The following ERBB4 variants were observed in gnomAD, a reference collection of about 807,000 sequenced individuals.
ERBB4 encodes receptor tyrosine-protein kinase erbB-4.
ERBB4 carries 42 observed loss-of-function variants against 158.0 expected under a neutral mutation model. The observed-to-expected ratio is 0.27, with a 90% CI of 0.21 to 0.34. The LOEUF (loss-of-function observed/expected upper bound fraction) is 0.34. ERBB4 is among the 10% of genes least tolerant of loss of function. ERBB4 has a pLI of 1.00. For missense variants in ERBB4, 1,333 were observed against 1,624.1 expected (o/e 0.82, Z 3.08); for synonymous variants, 583 against 558.7 (o/e 1.04, Z -0.61).
chr2:211,828,273 T>A (rs1039103595), intron 3 of ERBB4, among the ~76,000 whole-genome samples: 5 of 152,208 alleles, frequency 3.3e-5, no homozygotes, highest in African/African-American at 1.2e-4. Flanking sequence ...CACATTTTGC[T>A]ACTATGAATT....
intron 2 of ERBB4, among the ~76,000 whole-genome samples, chr2:212,049,910 T>C (rs2077355083): frequency 1.3e-5 from 2 of 152,188 alleles, no homozygotes; most frequent in African/African-American, 2.4e-5. Flanking sequence ...ACTTCACATA[T>C]CATTTTAATG....
chr2:212,110,421 T>C (rs2079368680), intron 2 of ERBB4, among the ~76,000 whole-genome samples: 1 of 152,226 alleles, frequency 6.6e-6, no homozygotes, highest in South Asian at 2.1e-4. Flanking sequence ...TTGTGCCCTC[T>C]GCTTCCTTAG....
chr2:212,206,589 C>CTTTTGTTTTTTTTTTTTTTTTT (rs2082754707), intron 1 of ERBB4, among the ~76,000 whole-genome samples: 1 of 116,450 alleles, frequency 8.6e-6, no homozygotes, highest in African/African-American at 3.6e-5. Context: ...CTGTTCTGTT[C>CTTTTGTTTTTTTTTTTTTTTTT]TTTTTTTTTT....
chr2:211,715,261 T>C (rs2073854886), intron 7 of ERBB4, among the ~76,000 whole-genome samples: 1 of 152,180 alleles, frequency 6.6e-6, no homozygotes, highest in Admixed American at 6.5e-5. Flanking sequence ...GTACAAAGTA[T>C]GGAAAAATTT....
Position 212,538,617 on chromosome 2 carries a change from C to T in ERBB4, c.-87G>A. On this transcript the variant is annotated 5_prime_UTR_variant, in exon 1 of 28. Transcript: ENST00000342788. ...GGGCACGCGGAGGAGATCCCCCAGC[C>T]GGGCGCGCGTGGGGGTGCGAGGGGG... 7.1e-7 allele frequency: 1 copy of T among 1,412,588 alleles called. No individual in the cohort carries two copies. The highest frequency in any genetic ancestry group is 1.2e-5 in the South Asian group (1 of 86,726). The allele number at this position is 1,412,588 out of a possible 1,614,324, so 87.5% of individuals were successfully genotyped here.
intron 14 of ERBB4, among the ~76,000 whole-genome samples, chr2:211,667,025 G>A (rs1464392017): frequency 1.3e-5 from 2 of 151,876 alleles, no homozygotes; most frequent in Non-Finnish European, 2.9e-5. Flanking sequence ...GGCTTCCCTG[G>A]GTCACATTGG....
At position 212,373,828 on chromosome 2, in the gene ERBB4, T is replaced by TATATATATCCATGTATATATCC. The variant is rs1411425588; in HGVS notation, c.82+164620_82+164621insGGATATATACATGGATATATAT. 1.6e-4 allele frequency among the ~76,000 whole-genome samples: 22 copies of TATATATATCCATGTATATATCC among 133,542 alleles called. 2 individuals carry two copies. The highest frequency in any genetic ancestry group is 5.7e-4 in the African/African-American group (21 of 36,874). The allele number at this position is 133,542 out of a possible 152,430, so 87.6% of individuals were successfully genotyped here. On this transcript the variant is annotated intron_variant, in intron 1 of 27. Transcript: ENST00000342788. ...ATATATATCCATGTATATATCCATA[T>TATATATATCCATGTATATATCC]ATATATATATCCATGTATATATCCA...
intron 4 of ERBB4, among the ~76,000 whole-genome samples, chr2:211,753,585 G>A (rs1244411780): frequency 6.6e-6 from 1 of 151,884 alleles, no homozygotes; most frequent in Admixed American, 6.6e-5. Flanking sequence ...GAAAGCAGGT[G>A]GAGCTAGATA....
intron 1 of ERBB4, among the ~76,000 whole-genome samples, chr2:212,340,283 G>C (rs555566505): frequency 8.6e-5 from 13 of 151,912 alleles, no homozygotes; most frequent in African/African-American, 3.1e-4. Context: ...CCAACCTTTC[G>C]GGCATCAGGA....
intron 19 of ERBB4, among the ~76,000 whole-genome samples, chr2:211,571,417 AT>A (rs1416728122): frequency 6.6e-6 from 1 of 151,930 alleles, no homozygotes; most frequent in Non-Finnish European, 1.5e-5. Flanking sequence ...ACAGCAGGGC[AT>A]TTTTTTTCTC....
chr2:212,016,589 A>T (rs1051215850), intron 2 of ERBB4, among the ~76,000 whole-genome samples: 2 of 152,108 alleles, frequency 1.3e-5, no homozygotes, highest in Non-Finnish European at 2.9e-5. Flanking sequence ...TTTTAAGTAC[A>T]ATTGGTTTTT....
chr2:212,441,926 C>T (rs977965804), intron 1 of ERBB4, among the ~76,000 whole-genome samples: 11 of 152,150 alleles, frequency 7.2e-5, no homozygotes, highest in Non-Finnish European at 1.5e-4. Flanking sequence ...TGAAACACAT[C>T]GGTGAGGGCA....
At chr2:211,854,440 A>G (rs1044577937) in intron 3 of ERBB4, among the ~76,000 whole-genome samples, 19 of 152,142 alleles carry the variant, frequency 1.2e-4, no homozygotes, top group Non-Finnish European at 2.4e-4. Flanking sequence ...TTCAAGATAT[A>G]AAACACAGTC....
At chr2:212,163,333 T>A (rs1186877551) in intron 1 of ERBB4, among the ~76,000 whole-genome samples, 2 of 151,948 alleles carry the variant, frequency 1.3e-5, no homozygotes, top group African/African-American at 4.8e-5. Context: ...AAAACATAAA[T>A]GATATAAAGG....
intron 9 of ERBB4, among the ~76,000 whole-genome samples, chr2:211,710,349 T>G (rs983218656): frequency 6.6e-6 from 1 of 152,172 alleles, no homozygotes; most frequent in Non-Finnish European, 1.5e-5. Flanking sequence ...TAGCATAATA[T>G]AATCTTACAT....
chr2:211,514,255 G>T (rs562597370), intron 20 of ERBB4, among the ~76,000 whole-genome samples: 1 of 152,162 alleles, frequency 6.6e-6, no homozygotes, highest in African/African-American at 2.4e-5. Context: ...TTTCGATGTT[G>T]CTTCTAAATA....
rs182950829 is a variant in ERBB4 at position 211,924,323 on chromosome 2, T to C, written c.421+23107A>G. 2.0e-3 allele frequency among the ~76,000 whole-genome samples: 306 copies of C among 152,268 alleles called. 1 individual carries two copies. The highest frequency in any genetic ancestry group is 7.1e-3 in the African/African-American group (297 of 41,560). ...TCAGAAAAGGTTATAGTACATTCAT[T>C]TGGTATCCAGTAAAATTTAGATATT... On this transcript the variant is annotated intron_variant, in intron 3 of 27. Coordinates refer to ENST00000342788, the MANE Select transcript of ERBB4 (RefSeq NM_005235.3).
intron 1 of ERBB4, among the ~76,000 whole-genome samples, chr2:212,213,005 T>C (rs2082985636): frequency 6.6e-6 from 1 of 152,068 alleles, no homozygotes; most frequent in African/African-American, 2.4e-5. Context: ...GACATAGGCA[T>C]GGGCAAAGAC....
At chr2:211,545,040 A>C (rs1278771260) in intron 20 of ERBB4, among the ~76,000 whole-genome samples, 1 of 151,970 alleles carries the variant, frequency 6.6e-6, no homozygotes, top group Non-Finnish European at 1.5e-5. Flanking sequence ...TTGGCTGTAC[A>C]CTCTTGATTT....
Sources: gnomAD v4.1 joint callset for allele counts (sites outside exome capture counted in the v4.1 genomes callset) on GRCh38, gnomAD v4.1.1 for gene constraint, MANE v1.5 for transcripts, NCBI Gene and HGNC (gene_info 2026-07-23, HGNC 2026-07-21) for gene names.